GRIA3: variants seen among roughly 807,000 people sequenced by gnomAD.
GRIA3 encodes glutamate ionotropic receptor AMPA type subunit 3, also known as glutamate receptor 3.
In GRIA3, 3 loss-of-function variants were observed where a neutral mutation model predicts 63.0. That is an observed-to-expected ratio of 0.05 (90% CI 0.02 to 0.12). GRIA3 has a LOEUF of 0.12. Ranked by LOEUF, GRIA3 falls within the 10% of genes least tolerant of loss-of-function variation. The pLI is 1.00. For synonymous variants in GRIA3, 274 were observed against 257.9 expected, an observed-to-expected ratio of 1.06 and a Z score of -0.60; for missense variants, 347 against 700.9, an observed-to-expected ratio of 0.50 and a Z score of 5.70.
chrX:123,385,986 T>C lies in GRIA3; in HGVS notation c.751-8982T>C, dbSNP rs6648511. Among the ~76,000 whole-genome samples the C allele has an allele frequency of 5.3e-3, 595 of 112,137 alleles. 2 individuals carry two copies. The highest frequency in any genetic ancestry group is 0.018 in the African/African-American group (559 of 30,959). ...GCTGGATCATATGGTAGTTCTATTTTTAGTTTTTTCATAAATCTTCACACT... is the reference window on the plus strand; with the variant it reads ...GCTGGATCATATGGTAGTTCTATTTCTAGTTTTTTCATAAATCTTCACACT... On this transcript the variant is annotated intron_variant, in intron 5 of 15. Transcript: ENST00000620443.
At chrX:123,299,595 C>G (rs1008040949) in intron 3 of GRIA3, among the ~76,000 whole-genome samples, 4 of 111,603 alleles carry the variant, frequency 3.6e-5, no homozygotes, top group Non-Finnish European at 7.5e-5. Context: ...TGAGACTTTG[C>G]TGAAGTTGCT....
intron 5 of GRIA3, among the ~76,000 whole-genome samples, chrX:123,372,522 A>C (rs1819579): frequency 0.14 from 15,426 of 111,603 alleles, 1,020 homozygotes; most frequent in Non-Finnish European, 0.2. Flanking sequence ...ATATCTTTCC[A>C]TTTTTTGTGT....
intron 3 of GRIA3, among the ~76,000 whole-genome samples, chrX:123,280,420 A>G (rs1414178909): frequency 8.9e-6 from 1 of 112,298 alleles, no homozygotes; most frequent in East Asian, 2.8e-4. Flanking sequence ...CAAATTAAAT[A>G]CACTCTTTTT....
chrX:123,191,178 A>G (rs768988259), intron 2 of GRIA3, among the ~76,000 whole-genome samples: 2 of 112,516 alleles, frequency 1.8e-5, no homozygotes, highest in South Asian at 3.7e-4. Context: ...AAAACCATCT[A>G]TCTTCAATGA....
intron 10 of GRIA3, among the ~76,000 whole-genome samples, chrX:123,414,914 T>C (rs2045528324): frequency 8.9e-6 from 1 of 111,949 alleles, no homozygotes. Context: ...TAGCATGACT[T>C]ATAATCCTTT....
At chrX:123,469,994 C>G (rs1381121708) in intron 13 of GRIA3, among the ~76,000 whole-genome samples, 1 of 112,123 alleles carries the variant, frequency 8.9e-6, no homozygotes, top group East Asian at 2.8e-4. Flanking sequence ...AAGTTATTAA[C>G]AAACCCTACC....
chrX:123,445,295 T>C (rs986125674), intron 12 of GRIA3, among the ~76,000 whole-genome samples: 1 of 111,695 alleles, frequency 9.0e-6, no homozygotes, highest in African/African-American at 3.3e-5. Context: ...GCCCTTCCCC[T>C]CCCTGGAAAG....
At chrX:123,404,576 A>C (rs1376866129) in intron 9 of GRIA3, 132 bp from the exon 10 acceptor site, 1 of 484,253 alleles carries the variant, frequency 2.1e-6, no homozygotes, top group Non-Finnish European at 3.6e-6. Flanking sequence ...TCTTCTGTTT[A>C]CTAAGTAACA....
At chrX:123,325,735 A>G (rs111806958) in intron 3 of GRIA3, among the ~76,000 whole-genome samples, 7 of 111,956 alleles carry the variant, frequency 6.3e-5, no homozygotes, top group African/African-American at 2.3e-4. Flanking sequence ...TATTCCATAG[A>G]TATTTTGAGA....
chrX:123,331,800 G>C (rs770085714), intron 4 of GRIA3, among the ~76,000 whole-genome samples: 18 of 111,734 alleles, frequency 1.6e-4, no homozygotes, highest in Non-Finnish European at 2.8e-4. Flanking sequence ...TGATTTCCTT[G>C]TTGTGTGACA....
chrX:123,406,991 A>G (rs941007457), intron 10 of GRIA3, among the ~76,000 whole-genome samples: 1 of 112,002 alleles, frequency 8.9e-6, no homozygotes, highest in African/African-American at 3.2e-5. Flanking sequence ...CTCTTGGCAC[A>G]TTACCTGATA....
intron 2 of GRIA3, among the ~76,000 whole-genome samples, chrX:123,206,620 C>CT (rs201862945): frequency 0.21 from 23,233 of 110,149 alleles, 2,383 homozygotes; most frequent in Non-Finnish European, 0.31. Context: ...TTGTGTGTGG[C>CT]TTTTTTTTCC....
intron 2 of GRIA3, among the ~76,000 whole-genome samples, chrX:123,205,432 C>T (rs1927859811): frequency 8.9e-6 from 1 of 112,484 alleles, no homozygotes; most frequent in Admixed American, 9.4e-5. Flanking sequence ...GATTACTGTG[C>T]TTTTAATTTT....
At chrX:123,364,099 T>C (rs2045195421) in intron 5 of GRIA3, among the ~76,000 whole-genome samples, 1 of 112,197 alleles carries the variant, frequency 8.9e-6, no homozygotes, top group Non-Finnish European at 1.9e-5. Context: ...CAAACAGCAC[T>C]AGAATTCGAT....
intron 14 of GRIA3, among the ~76,000 whole-genome samples, chrX:123,480,819 T>C (rs2147445780): frequency 8.9e-6 from 1 of 111,877 alleles, no homozygotes; most frequent in South Asian, 3.8e-4. Context: ...TAAAATTTAG[T>C]CGCATGCTCC....
intron 2 of GRIA3, among the ~76,000 whole-genome samples, chrX:123,197,898 T>A (rs1421619139): frequency 8.9e-6 from 1 of 111,890 alleles, no homozygotes; most frequent in Non-Finnish European, 1.9e-5. Context: ...TTGAGAGTTT[T>A]AAATAAAATA....
chrX:123,308,706 C>T (rs2044770447), intron 3 of GRIA3, among the ~76,000 whole-genome samples: 1 of 111,634 alleles, frequency 9.0e-6, no homozygotes, highest in African/African-American at 3.3e-5. Flanking sequence ...ATCATGCAGG[C>T]CAAACTCATT....
chrX:123,490,497 AAAAC>A lies in GRIA3; in HGVS notation c.*1792_*1795del, dbSNP rs1246756075. On this transcript the variant is annotated 3_prime_UTR_variant, in exon 16 of 16. Coordinates refer to ENST00000620443, the MANE Select transcript of GRIA3 (RefSeq NM_007325.5). ...ACGCTGTGTGAACATGAAGTTGTAT[AAAAC>A]AAACCAACCAACCTACACACAAATG... 8.8e-6 allele frequency: 1 copy of A among 113,003 alleles called. No homozygotes were observed. The highest frequency in any genetic ancestry group is 1.9e-5 in the Non-Finnish European group (1 of 53,395). The allele number at this position is 113,003 out of a possible 1,213,427, so 9.3% of individuals were successfully genotyped here. A position where few individuals can be genotyped will look rare whatever the true frequency, so the allele number is the denominator to read the frequency against.
rs189000610 is a variant in GRIA3 at position 123,331,915 on chromosome X, T to C, written c.696+5702T>C. ...TGTGAGGATCAAATAAGATTCTATGTGGAAAGCACTTGGTACAGTGCTTGG... is the reference window on the plus strand; with the variant it reads ...TGTGAGGATCAAATAAGATTCTATGCGGAAAGCACTTGGTACAGTGCTTGG... On this transcript the variant is annotated intron_variant, in intron 4 of 15. Coordinates refer to ENST00000620443, the MANE Select transcript of GRIA3 (RefSeq NM_007325.5). Among the ~76,000 whole-genome samples the C allele has an allele frequency of 1.1e-3, 122 of 111,800 alleles. 1 individual carries two copies. The highest frequency in any genetic ancestry group is 3.2e-3 in the Admixed American group (34 of 10,522).
Sources: gnomAD v4.1 joint callset for allele counts (sites outside exome capture counted in the v4.1 genomes callset) on GRCh38, gnomAD v4.1.1 for gene constraint, MANE v1.5 for transcripts, NCBI Gene and HGNC (gene_info 2026-07-23, HGNC 2026-07-21) for gene names.